PRELID2: variants seen among roughly 807,000 people sequenced by gnomAD.
The protein encoded by PRELID2 is PRELI domain containing 2, also known as PRELI domain-containing protein 2.
PRELID2 carries 25 observed loss-of-function variants against 28.4 expected under a neutral mutation model. The observed-to-expected ratio is 0.88, with a 90% CI of 0.64 to 1.23. The LOEUF (loss-of-function observed/expected upper bound fraction) is 1.23, where lower values mean the gene tolerates loss of function less well. PRELID2 is among the 50% of genes most tolerant of loss of function. PRELID2 has a pLI of 0.00. For synonymous variants in PRELID2, 76 were observed against 71.6 expected (o/e 1.06, Z -0.31); for missense variants, 201 against 214.4 (o/e 0.94, Z 0.39).
the PRELID2 span, among the ~76,000 whole-genome samples, chr5:145,342,936 AATG>A: frequency 6.6e-6 from 1 of 151,314 alleles, no homozygotes; most frequent in South Asian, 2.1e-4. Context: ...AAAGTCTTAT[AATG>A]ATAAAGGGAT....
At chr5:145,724,647 A>AT (rs67887334) in intron 1 of PRELID2, among the ~76,000 whole-genome samples, 18 of 121,776 alleles carry the variant, frequency 1.5e-4, no homozygotes, top group East Asian at 5.0e-4. Context: ...ATATATATAT[A>AT]ATGCCTGTAA....
intron 4 of PRELID2, among the ~76,000 whole-genome samples, chr5:145,809,030 T>A (rs915178628): frequency 2.0e-5 from 3 of 151,088 alleles, no homozygotes; most frequent in African/African-American, 7.3e-5. Flanking sequence ...CTGAGCTTTT[T>A]TTTTGCTTTT....
intron 1 of PRELID2, among the ~76,000 whole-genome samples, chr5:145,648,227 C>G (rs757669855): frequency 1.3e-5 from 2 of 152,114 alleles, no homozygotes; most frequent in Non-Finnish European, 2.9e-5. Context: ...CAAGAATGAA[C>G]TAACACTGTG....
chr5:145,413,088 A>G, the PRELID2 span, among the ~76,000 whole-genome samples: 34 of 152,300 alleles, frequency 2.2e-4, no homozygotes, highest in East Asian at 6.2e-3. Context: ...ATCACTATGC[A>G]TCCAACAAAA....
chr5:145,449,441 G>A, the PRELID2 span, among the ~76,000 whole-genome samples: 1 of 152,028 alleles, frequency 6.6e-6, no homozygotes, highest in African/African-American at 2.4e-5. Flanking sequence ...TCCCCTCAAT[G>A]TTCAGATGCT....
At chr5:145,382,979 A>T in the PRELID2 span, among the ~76,000 whole-genome samples, 2 of 151,932 alleles carry the variant, frequency 1.3e-5, no homozygotes, top group Admixed American at 1.3e-4. Context: ...AGAATTTTAA[A>T]ATACCTAAAT....
chr5:145,810,200 A>C (rs752482492), intron 4 of PRELID2, among the ~76,000 whole-genome samples: 5 of 152,204 alleles, frequency 3.3e-5, no homozygotes, highest in Non-Finnish European at 7.3e-5. Flanking sequence ...ACAAAAGCTG[A>C]CTTTAATTTT....
intron 4 of PRELID2, among the ~76,000 whole-genome samples, chr5:145,806,803 C>T (rs909698360): frequency 2.0e-5 from 3 of 152,020 alleles, no homozygotes; most frequent in Non-Finnish European, 4.4e-5. Flanking sequence ...TGGCAGTTTC[C>T]CCTGCACTCT....
chr5:145,818,475 T>C (rs1004930629), intron 3 of PRELID2, among the ~76,000 whole-genome samples: 4 of 152,170 alleles, frequency 2.6e-5, no homozygotes, highest in Admixed American at 2.6e-4. Context: ...AAATGTATGG[T>C]TTCCTAGGTG....
chr5:145,624,363 T>TTCCAG (rs1753816014), intron 1 of PRELID2, among the ~76,000 whole-genome samples: 1 of 152,144 alleles, frequency 6.6e-6, no homozygotes, highest in Admixed American at 6.6e-5. Context: ...GGACTGAAAG[T>TTCCAG]TCCAGTCTTC....
At chr5:145,814,250 A>G (rs1378703583) in intron 4 of PRELID2, among the ~76,000 whole-genome samples, 1 of 152,216 alleles carries the variant, frequency 6.6e-6, no homozygotes, top group African/African-American at 2.4e-5. Context: ...AAGACTAGCT[A>G]ATAGCTCAAA....
intron 4 of PRELID2, among the ~76,000 whole-genome samples, chr5:145,816,639 T>C (rs1022562059): frequency 4.6e-5 from 7 of 152,186 alleles, no homozygotes; most frequent in Admixed American, 2.6e-4. Context: ...ATTCATTCTT[T>C]CGTATGTGGA....
chr5:145,295,703 TGAA>T, the PRELID2 span, among the ~76,000 whole-genome samples: 2 of 152,152 alleles, frequency 1.3e-5, no homozygotes, highest in Admixed American at 1.3e-4. Flanking sequence ...ATGTTCTAAC[TGAA>T]AACAAAGATT....
the PRELID2 span, among the ~76,000 whole-genome samples, chr5:145,250,249 T>G: frequency 6.6e-6 from 1 of 152,204 alleles, no homozygotes; most frequent in East Asian, 1.9e-4. Flanking sequence ...AAGAATCAGG[T>G]TTGCAATATG....
At chr5:145,817,202 A>T (rs372618555) in intron 4 of PRELID2, among the ~76,000 whole-genome samples, 4,189 of 47,446 alleles carry the variant, frequency 0.088, 373 homozygotes, top group Non-Finnish European at 0.14. Context: ...AAAAAAAATA[A>T]ATAAATAAAT....
chr5:145,658,217 G>A (rs1282489845), intron 1 of PRELID2, among the ~76,000 whole-genome samples: 1 of 152,208 alleles, frequency 6.6e-6, no homozygotes, highest in Non-Finnish European at 1.5e-5. Context: ...ACAAAAAAAT[G>A]TTAAAGGAAG....
chr5:145,629,115 C>T (rs1047102361), intron 1 of PRELID2, among the ~76,000 whole-genome samples: 10 of 152,178 alleles, frequency 6.6e-5, no homozygotes, highest in African/African-American at 1.9e-4. Flanking sequence ...CTTAGCTGCA[C>T]GTGGCTGTTC....
Position 145,742,733 on chromosome 5 carries a change from A to T in PRELID2, n.70+22198T>A, listed in dbSNP as rs1756870710. ...ATTAAGCCCAAAGCAAGCAGAAGACAGAAATAATAAAGATAAGAGCAGAAA... is the reference window on the plus strand; with the variant it reads ...ATTAAGCCCAAAGCAAGCAGAAGACTGAAATAATAAAGATAAGAGCAGAAA... On this transcript the variant is annotated intron_variant and non_coding_transcript_variant, in intron 1 of 2. Coordinates refer to the PRELID2 transcript ENST00000510259. Among the ~76,000 whole-genome samples the T allele has an allele frequency of 2.0e-5, 3 of 151,172 alleles. No individual in the cohort carries two copies. The Admixed American group carries it at 2.0e-4, about 10-fold the overall frequency.
At chr5:145,665,471 C>T (rs1754570761) in intron 1 of PRELID2, among the ~76,000 whole-genome samples, 1 of 152,102 alleles carries the variant, frequency 6.6e-6, no homozygotes, top group Non-Finnish European at 1.5e-5. Context: ...AACTTTTCTG[C>T]TTACACGTCT....
Sources: allele counts gnomAD v4.1 joint callset (sites outside exome capture counted in the v4.1 genomes callset), GRCh38; gene constraint gnomAD v4.1.1; transcripts MANE v1.5; gene names NCBI Gene and HGNC (gene_info 2026-07-23, HGNC 2026-07-21).